AGAP3: variants seen among roughly 807,000 people sequenced by gnomAD.
AGAP3 encodes the protein arf-GAP with GTPase, ANK repeat and PH domain-containing protein 3.
A neutral mutation model predicts 96.9 loss-of-function variants in AGAP3; 24 were observed. The observed-to-expected ratio is 0.25, with a 90% confidence interval of 0.18 to 0.35. The LOEUF (loss-of-function observed/expected upper bound fraction) is 0.35, where lower values mean the gene tolerates loss of function less well. Ranked by LOEUF, AGAP3 falls within the 10% of genes least tolerant of loss-of-function variation. AGAP3 has a pLI of 1.00. For synonymous variants in AGAP3, 563 were observed against 536.1 expected (o/e 1.05, Z -0.69); for missense variants, 876 against 1,254.2 (o/e 0.70, Z 4.55).
At chr7:151,138,086 T>C in intron 11 of AGAP3, 57 bp from the exon 12 acceptor site, 1 of 1,314,330 alleles carries the variant, frequency 7.6e-7, no homozygotes, top group Non-Finnish European at 1.1e-6. Context: ...GGATAGTATC[T>C]TTGAGAATCC....
intron 1 of AGAP3, chr7:151,115,616 C>A: frequency 3.4e-6 from 4 of 1,168,184 alleles, no homozygotes; most frequent in Non-Finnish European, 4.2e-6. Flanking sequence ...CGGCTGCGGC[C>A]CCGGAGCTCC....
rs544311308 is a variant in AGAP3 at position 151,108,011 on chromosome 7, G to C, written c.332-8782G>C. 2.4e-4 allele frequency among the ~76,000 whole-genome samples: 36 copies of C among 152,190 alleles called. No individual in the cohort carries two copies. Among genetic ancestry groups the C allele is most frequent in the Non-Finnish European group, 3.8e-4 (26 of 68,046 alleles). On this transcript the variant is annotated intron_variant, in intron 1 of 17. Coordinates refer to ENST00000397238, the MANE Select transcript of AGAP3 (RefSeq NM_031946.7). The surrounding 1 kb of genome is among the most constrained non-coding windows in gnomAD (Gnocchi z 4.2). ...CCTCTGGCACGGCACCGGCCCATGC[G>C]GGGGGTGCAGCACATGCTGGTCGCG...
chr7:151,103,739 T>G (rs1798923884), intron 1 of AGAP3, among the ~76,000 whole-genome samples: 3 of 152,224 alleles, frequency 2.0e-5, no homozygotes, highest in African/African-American at 7.2e-5. Context: ...CTGAAAGGTC[T>G]TACAGAGCTT....
At chr7:151,122,519 G>GCCGCCTCCTCCT (rs1348662678) in intron 8 of AGAP3, among the ~76,000 whole-genome samples, 1 of 151,214 alleles carries the variant, frequency 6.6e-6, no homozygotes, top group African/African-American at 2.4e-5. Flanking sequence ...CGCCGCCGCC[G>GCCGCCTCCTCCT]CCTCCTCCTC....
At chr7:151,126,286 C>G (rs1035050365) in intron 9 of AGAP3, among the ~76,000 whole-genome samples, 4 of 148,736 alleles carry the variant, frequency 2.7e-5, no homozygotes, top group African/African-American at 9.7e-5. Flanking sequence ...CCCTGACTGT[C>G]GGAGAAACCG....
rs796921913 is a variant in AGAP3, at chr7:151,141,016, G to T, written c.1805-882G>T. The T allele has an allele frequency of 6.6e-6, 1 of 152,284 alleles. No individual in the cohort carries two copies. The highest frequency in any genetic ancestry group is 2.1e-4 in the South Asian group (1 of 4,820). 9.4% of individuals were successfully genotyped at this position (152,284 alleles called of 1,614,324 possible). On this transcript the variant is annotated intron_variant, in intron 13 of 17. Coordinates refer to ENST00000397238, the MANE Select transcript of AGAP3 (RefSeq NM_031946.7). This position sits in a 1 kb window ranked among gnomAD's most constrained non-coding sequence, Gnocchi z 4.2. ...ATGTCGGTGTCACTGAGGTGAGGCT[G>T]CCTGGGGCCAAGATGCAGTGAGGAC... is the stretch of plus-strand genomic sequence containing the variant.
At chr7:151,122,326 C>T (rs1168818718) in intron 8 of AGAP3, among the ~76,000 whole-genome samples, 1 of 151,804 alleles carries the variant, frequency 6.6e-6, no homozygotes, top group Non-Finnish European at 1.5e-5. Flanking sequence ...TCCTTGTTCC[C>T]TCTGGCCTTG....
At chr7:151,126,800 C>T (rs1425900636) in intron 9 of AGAP3, among the ~76,000 whole-genome samples, 1 of 152,150 alleles carries the variant, frequency 6.6e-6, no homozygotes, top group Non-Finnish European at 1.5e-5. Flanking sequence ...GGCCCGCTTG[C>T]CTTGTGGAAG....
Position 151,140,062 on chromosome 7 carries a change from AG to A in AGAP3, c.1752del (p.Lys586ArgfsTer105). 2.5e-6 allele frequency: 4 copies of A among 1,606,408 alleles called. No individual in the cohort carries two copies. The highest frequency in any genetic ancestry group is 3.4e-6 in the Non-Finnish European group (4 of 1,176,840). ...SPHSNRKKHR[R>X]KKSTGTPRPD... Reference sequence around the variant, plus strand: ...CCACTCCAACCGGAAGAAGCACCGGAGGAAAAAGAGCACCGGGACCCCCCGA... The same window carrying A: ...CCACTCCAACCGGAAGAAGCACCGGAGAAAAAGAGCACCGGGACCCCCCGA... On this transcript the variant is annotated frameshift_variant, in exon 13 of 18. Transcript: ENST00000397238. LOFTEE classifies it high-confidence loss of function. The surrounding 1 kb of genome is among the most constrained non-coding windows in gnomAD (Gnocchi z 5.4).
chr7:151,097,295 C>G (rs550659135), intron 1 of AGAP3, among the ~76,000 whole-genome samples: 35 of 151,764 alleles, frequency 2.3e-4, no homozygotes, highest in African/African-American at 8.0e-4. Flanking sequence ...CTTTGGGAAG[C>G]CGAGGCAGGT....
rs1242547175 is a variant in AGAP3, at chr7:151,141,209, G to T, written c.1805-689G>T. ...TGAGATTCATGCGGCTGTCTTCTGG[G>T]GCCTGGGGGACCAGAGCTTGGAAGA... On this transcript the variant is annotated intron_variant, in intron 13 of 17. Transcript: ENST00000397238. This position sits in a 1 kb window ranked among gnomAD's most constrained non-coding sequence, Gnocchi z 4.2. The T allele has an allele frequency of 6.6e-6, 1 of 152,634 alleles. No individual in the cohort carries two copies. Among genetic ancestry groups the T allele is most frequent in the African/African-American group, 2.4e-5 (1 of 41,432 alleles). 9.5% of individuals were successfully genotyped at this position (152,634 alleles called of 1,614,324 possible). A position where few individuals can be genotyped will look rare whatever the true frequency, so the allele number is the denominator to read the frequency against.
intron 10 of AGAP3, among the ~76,000 whole-genome samples, chr7:151,132,377 G>C (rs1584777215): frequency 6.6e-6 from 1 of 152,372 alleles, no homozygotes; most frequent in East Asian, 1.9e-4. Flanking sequence ...GCTCAGGCCA[G>C]GCACTTGGTA....
intron 1 of AGAP3, chr7:151,115,329 A>G: frequency 2.0e-6 from 2 of 1,012,870 alleles, no homozygotes; most frequent in Non-Finnish European, 2.4e-6. Flanking sequence ...GGCGGCGCTC[A>G]GGAAGAGCTT....
At chr7:151,105,706 C>T (rs1799014451) in intron 1 of AGAP3, among the ~76,000 whole-genome samples, 1 of 148,552 alleles carries the variant, frequency 6.7e-6, no homozygotes, top group African/African-American at 2.5e-5. Flanking sequence ...GGGAGAGGCT[C>T]CAGTAAGCTC....
chr7:151,121,728 CGACCTTATAT>C (rs1490791034), intron 8 of AGAP3, among the ~76,000 whole-genome samples: 3 of 152,180 alleles, frequency 2.0e-5, no homozygotes, highest in Non-Finnish European at 2.9e-5. Flanking sequence ...CTCACAGCGG[CGACCTTATAT>C]TTTCCTTCCA....
At chr7:151,107,679 G>A (rs1019497758) in intron 1 of AGAP3, among the ~76,000 whole-genome samples, 1 of 152,068 alleles carries the variant, frequency 6.6e-6, no homozygotes, top group South Asian at 2.1e-4. Context: ...GGAAGGGATG[G>A]TGCTGCTGAC....
intron 11 of AGAP3, among the ~76,000 whole-genome samples, chr7:151,136,774 T>A (rs1034150465): frequency 6.6e-6 from 1 of 151,686 alleles, no homozygotes; most frequent in African/African-American, 2.4e-5. Flanking sequence ...TGAGGGGGAA[T>A]AAGATTTGGA....
Position 151,086,828 on chromosome 7 carries a change from GCT to G in AGAP3, c.89_90del (p.Leu30ArgfsTer99). 8.6e-6 allele frequency: 7 copies of G among 810,902 alleles called. 1 individual carries two copies. The highest frequency in any genetic ancestry group is 9.5e-6 in the Non-Finnish European group (7 of 740,590). The allele number at this position is 810,902 out of a possible 1,614,324, so 50.2% of individuals were successfully genotyped here. A position where few individuals can be genotyped will look rare whatever the true frequency, so the allele number is the denominator to read the frequency against. ...PGGGGAAAQQ[L>X]VCGGQFGGAG... Reference sequence around the variant, plus strand: ...GGGGCGGCGGCGCTGCCGCGCAGCAGCTCGTCTGCGGCGGGCAGTTCGGCGGC... The same window carrying G: ...GGGGCGGCGGCGCTGCCGCGCAGCAGCGTCTGCGGCGGGCAGTTCGGCGGC... On this transcript the variant is annotated frameshift_variant, in exon 1 of 18. Coordinates refer to ENST00000397238, the MANE Select transcript of AGAP3 (RefSeq NM_031946.7). LOFTEE classifies it high-confidence loss of function.
At position 151,142,307 on chromosome 7, in the gene AGAP3, G is replaced by C. The variant is rs1165748234; in HGVS notation, c.2050+54G>C. On this transcript the variant is annotated intron_variant, in intron 15 of 17. Transcript: ENST00000397238. This position sits in a 1 kb window ranked among gnomAD's most constrained non-coding sequence, Gnocchi z 7.5. The stretch of plus-strand genomic sequence containing the variant: ...CTGGGGATGGCCCAGGGAAAGCTTC[G>C]CAAGCATCAGGGAGCAGGGAAGAGG... 6.2e-7 allele frequency: 1 copy of C among 1,603,574 alleles called. No individual in the cohort carries two copies. Among genetic ancestry groups the C allele is most frequent in the Non-Finnish European group, 8.5e-7 (1 of 1,174,156 alleles).
Sources: allele counts gnomAD v4.1 joint callset (sites outside exome capture counted in the v4.1 genomes callset), GRCh38; gene constraint gnomAD v4.1.1; non-coding constraint Gnocchi (gnomAD v3.1); transcripts MANE v1.5; gene names NCBI Gene and HGNC (gene_info 2026-07-23, HGNC 2026-07-21).